The following ITGBL1 variants were observed in gnomAD, a reference collection of about 807,000 sequenced individuals.
ITGBL1 encodes the protein integrin subunit beta like 1.
ITGBL1 carries 51 observed loss-of-function variants against 68.5 expected under a neutral mutation model. The observed-to-expected ratio is 0.74, with a 90% CI of 0.59 to 0.94. ITGBL1 has a LOEUF of 0.94. Among genes scored for constraint, ITGBL1 ranks in the 40% least tolerant of loss-of-function variants. ITGBL1 has a pLI of 0.00. For missense variants in ITGBL1, 649 were observed against 647.4 expected, an observed-to-expected ratio of 1.00 and a Z score of -0.03; for synonymous variants, 209 against 227.3, an observed-to-expected ratio of 0.92 and a Z score of 0.72.
At chr13:101,589,680 T>C (rs2050617961) in intron 6 of ITGBL1, among the ~76,000 whole-genome samples, 1 of 152,200 alleles carries the variant, frequency 6.6e-6, no homozygotes, top group Admixed American at 6.5e-5. Context: ...ATCTCTTAAA[T>C]TCATCCCAAT....
At chr13:101,520,941 T>G (rs929955713) in intron 2 of ITGBL1, among the ~76,000 whole-genome samples, 4 of 152,190 alleles carry the variant, frequency 2.6e-5, no homozygotes, top group Non-Finnish European at 5.9e-5. Flanking sequence ...TTAACCCACA[T>G]CCTTTAGAAG....
At chr13:101,458,627 A>G (rs78419258) in intron 2 of ITGBL1, among the ~76,000 whole-genome samples, 2,220 of 150,428 alleles carry the variant, frequency 0.015, 38 homozygotes, top group African/African-American at 0.048. Context: ...GTGGATACCA[A>G]GGATGTTCCA....
intron 7 of ITGBL1, among the ~76,000 whole-genome samples, chr13:101,684,387 A>G (rs1285650406): frequency 6.6e-6 from 1 of 151,940 alleles, no homozygotes; most frequent in East Asian, 1.9e-4. Flanking sequence ...GCTTTAAAAA[A>G]TCCTGATAAG....
chr13:101,507,872 G>T (rs141951571), intron 2 of ITGBL1, among the ~76,000 whole-genome samples: 63 of 152,274 alleles, frequency 4.1e-4, no homozygotes, highest in Non-Finnish European at 6.9e-4. Flanking sequence ...AACTTAGATT[G>T]TACATAGGGC....
chr13:101,642,010 C>A (rs2032396773), intron 7 of ITGBL1, among the ~76,000 whole-genome samples: 1 of 151,930 alleles, frequency 6.6e-6, no homozygotes, highest in South Asian at 2.1e-4. Context: ...GTGAAGAGTG[C>A]CGCAATAAAC....
intron 2 of ITGBL1, among the ~76,000 whole-genome samples, chr13:101,542,830 T>C (rs1257329896): frequency 1.3e-5 from 2 of 152,228 alleles, no homozygotes; most frequent in Non-Finnish European, 2.9e-5. Context: ...TTGTCTCTTT[T>C]GATCTTTGTT....
intron 2 of ITGBL1, among the ~76,000 whole-genome samples, chr13:101,526,661 G>A (rs1439745084): frequency 8.4e-6 from 1 of 119,428 alleles, no homozygotes; most frequent in Non-Finnish European, 1.6e-5. Flanking sequence ...GAAGTTATAT[G>A]TGTGTGTGTG....
At chr13:101,536,129 A>G (rs1430003717) in intron 2 of ITGBL1, among the ~76,000 whole-genome samples, 3 of 151,872 alleles carry the variant, frequency 2.0e-5, no homozygotes, top group Admixed American at 2.0e-4. Flanking sequence ...TGTATACATG[A>G]GATACCATCT....
Position 101,452,939 on chromosome 13 carries a change from TG to T in ITGBL1, c.98+10del. On this transcript the variant is annotated intron_variant, in intron 1 of 10. Transcript: ENST00000376180. ...CTTCTCGCCATCTCTGAGGTAAGTTTGGTTTGTTATTCTTCAGTACAGACCT... is the reference window on the plus strand; with the variant it reads ...CTTCTCGCCATCTCTGAGGTAAGTTTGTTTGTTATTCTTCAGTACAGACCT... 6.2e-7 allele frequency: 1 copy of T among 1,612,872 alleles called. No homozygotes were observed. The highest frequency in any genetic ancestry group is 8.5e-7 in the Non-Finnish European group (1 of 1,178,806).
At chr13:101,666,999 CA>C (rs1357470693) in intron 7 of ITGBL1, among the ~76,000 whole-genome samples, 1 of 152,186 alleles carries the variant, frequency 6.6e-6, no homozygotes, top group African/African-American at 2.4e-5. Context: ...ACGATTTGTC[CA>C]AATCCTTAAA....
intron 2 of ITGBL1, among the ~76,000 whole-genome samples, chr13:101,499,964 C>T (rs2048914952): frequency 6.6e-6 from 1 of 152,184 alleles, no homozygotes; most frequent in Non-Finnish European, 1.5e-5. Context: ...GGTGTGGCCA[C>T]TGGCTGGCCT....
intron 7 of ITGBL1, among the ~76,000 whole-genome samples, chr13:101,632,562 A>G (rs1461144307): frequency 2.0e-5 from 3 of 152,238 alleles, no homozygotes; most frequent in Non-Finnish European, 4.4e-5. Context: ...AACAATATGT[A>G]TTGGTAAGTG....
At chr13:101,464,511 G>T (rs7321022) in intron 2 of ITGBL1, among the ~76,000 whole-genome samples, 4,767 of 151,600 alleles carry the variant, frequency 0.031, 250 homozygotes, top group African/African-American at 0.11. Context: ...AGAAGACCCA[G>T]AGAGGGTCTC....
intron 6 of ITGBL1, among the ~76,000 whole-genome samples, chr13:101,589,583 T>C (rs1337309492): frequency 2.6e-5 from 4 of 152,218 alleles, no homozygotes; most frequent in Non-Finnish European, 5.9e-5. Flanking sequence ...ATTGGCCATC[T>C]TGAACTAAAC....
At chr13:101,637,530 A>T (rs933965743) in intron 7 of ITGBL1, among the ~76,000 whole-genome samples, 1 of 151,926 alleles carries the variant, frequency 6.6e-6, no homozygotes, top group African/African-American at 2.4e-5. Flanking sequence ...TTTTTAGTAG[A>T]GATGGGGTTT....
At chr13:101,630,875 C>T (rs745385881) in intron 7 of ITGBL1, among the ~76,000 whole-genome samples, 1 of 152,138 alleles carries the variant, frequency 6.6e-6, no homozygotes, top group African/African-American at 2.4e-5. Context: ...TTAATTGGAG[C>T]TATATCTTTT....
intron 7 of ITGBL1, among the ~76,000 whole-genome samples, chr13:101,656,373 T>C (rs1175345186): frequency 6.6e-6 from 1 of 152,200 alleles, no homozygotes; most frequent in Non-Finnish European, 1.5e-5. Flanking sequence ...AAGGACAGCT[T>C]TGCAGGTCCA....
intron 2 of ITGBL1, among the ~76,000 whole-genome samples, chr13:101,540,455 GC>G (rs1272101061): frequency 6.6e-6 from 1 of 152,094 alleles, no homozygotes; most frequent in African/African-American, 2.4e-5. Flanking sequence ...GGTTACTATA[GC>G]CTTGTAGTAT....
intron 7 of ITGBL1, among the ~76,000 whole-genome samples, chr13:101,624,058 C>T (rs2031685711): frequency 6.6e-6 from 1 of 152,140 alleles, no homozygotes. Flanking sequence ...TGACCTAAAG[C>T]CACCAGGATT....
Sources: gnomAD v4.1 joint callset for allele counts (sites outside exome capture counted in the v4.1 genomes callset) on GRCh38, gnomAD v4.1.1 for gene constraint, MANE v1.5 for transcripts, NCBI Gene and HGNC (gene_info 2026-07-23, HGNC 2026-07-21) for gene names.